IQGAP2: variants seen among roughly 807,000 people sequenced by gnomAD.
IQGAP2 encodes the protein IQ motif containing GTPase activating protein 2, also known as ras GTPase-activating-like protein IQGAP2.
Under a neutral mutation model 201.3 loss-of-function variants are expected in IQGAP2, and 173 were observed. That is an observed-to-expected ratio of 0.86 (90% confidence interval 0.76 to 0.98). IQGAP2 has a LOEUF of 0.98. Among genes scored for constraint, IQGAP2 ranks in the 50% least tolerant of loss-of-function variants. IQGAP2 has a pLI of 0.00. For missense variants in IQGAP2, 1,687 were observed against 1,864.8 expected (o/e 0.90, Z 1.76); for synonymous variants, 675 against 673.9 (o/e 1.00, Z -0.03).
At chr5:76,634,834 G>T (rs944099429) in intron 15 of IQGAP2, among the ~76,000 whole-genome samples, 1 of 152,168 alleles carries the variant, frequency 6.6e-6, no homozygotes, top group Admixed American at 6.5e-5. Flanking sequence ...TGTCTGCAAG[G>T]CATCTAAAAA....
intron 3 of IQGAP2, among the ~76,000 whole-genome samples, chr5:76,567,995 T>C (rs1744870747): frequency 6.6e-6 from 1 of 152,166 alleles, no homozygotes; most frequent in Non-Finnish European, 1.5e-5. Flanking sequence ...CTAATAGTAA[T>C]ATACAGGACT....
At chr5:76,530,752 AG>A in intron 2 of IQGAP2, among the ~76,000 whole-genome samples, 1 of 152,314 alleles carries the variant, frequency 6.6e-6, no homozygotes, top group Non-Finnish European at 1.5e-5. Context: ...CTTCTGGTAA[AG>A]TCCTGTTTCT....
chr5:76,470,834 T>A (rs533806477), intron 2 of IQGAP2, among the ~76,000 whole-genome samples: 1 of 152,316 alleles, frequency 6.6e-6, no homozygotes, highest in East Asian at 1.9e-4. Flanking sequence ...AAAGCTAACT[T>A]TATAGCTTCT....
chr5:76,486,480 C>T (rs1756144883), intron 2 of IQGAP2, among the ~76,000 whole-genome samples: 1 of 152,236 alleles, frequency 6.6e-6, no homozygotes, highest in Non-Finnish European at 1.5e-5. Flanking sequence ...TCATTTTCAT[C>T]CTCAACACAT....
At chr5:76,511,890 C>T (rs1054769341) in intron 2 of IQGAP2, among the ~76,000 whole-genome samples, 2 of 151,894 alleles carry the variant, frequency 1.3e-5, no homozygotes, top group African/African-American at 4.8e-5. Flanking sequence ...CCGTTTTAGC[C>T]AGGATGGTCT....
intron 2 of IQGAP2, among the ~76,000 whole-genome samples, chr5:76,495,321 G>A (rs1379127146): frequency 6.6e-6 from 1 of 152,198 alleles, no homozygotes; most frequent in Non-Finnish European, 1.5e-5. Context: ...AGTGAGCTGT[G>A]TCCAAGGGCA....
intron 1 of IQGAP2, among the ~76,000 whole-genome samples, chr5:76,447,418 C>T (rs1471182178): frequency 2.0e-5 from 3 of 152,196 alleles, no homozygotes; most frequent in Non-Finnish European, 2.9e-5. Context: ...TGGCAACCCC[C>T]TTTGGGTCCC....
At chr5:76,626,571 A>G (rs769734007) in intron 13 of IQGAP2, among the ~76,000 whole-genome samples, 13 of 152,242 alleles carry the variant, frequency 8.5e-5, no homozygotes, top group Non-Finnish European at 1.8e-4. Context: ...ATGCCCAGCT[A>G]TATGTCTTGA....
Position 76,579,690 on chromosome 5 carries a change from T to A in IQGAP2, c.458+3921T>A, listed in dbSNP as rs114156959. 5.0e-3 allele frequency among the ~76,000 whole-genome samples: 758 copies of A among 152,302 alleles called. 8 individuals are homozygous for A. The highest frequency in any genetic ancestry group is 0.017 in the African/African-American group (722 of 41,564). On this transcript the variant is annotated intron_variant, in intron 5 of 35. Transcript: ENST00000274364. Reference sequence around the variant, plus strand: ...TTTTTTTTTAATTAGTTGGGCTTTCTAGAGGTTTTCATCCCCTGGGAGACA... The same window carrying A: ...TTTTTTTTTAATTAGTTGGGCTTTCAAGAGGTTTTCATCCCCTGGGAGACA...
chr5:76,570,428 G>A (rs995115873), intron 3 of IQGAP2, 152 bp from the exon 4 acceptor site: 2 of 627,858 alleles, frequency 3.2e-6, no homozygotes, highest in Non-Finnish European at 5.8e-6. Flanking sequence ...ACATCCTTTA[G>A]CACGCCTCTG....
At chr5:76,695,268 C>T (rs1472761642) in intron 31 of IQGAP2, among the ~76,000 whole-genome samples, 186 bp from the exon 32 acceptor site, 1 of 152,150 alleles carries the variant, frequency 6.6e-6, no homozygotes, top group Non-Finnish European at 1.5e-5. Context: ...GGCTTGCTAT[C>T]GAAAAGATGA....
Position 76,438,431 on chromosome 5 carries a change from T to C in IQGAP2, c.47-23139T>C, listed in dbSNP as rs192348048. On this transcript the variant is annotated intron_variant, in intron 1 of 35. Coordinates refer to ENST00000274364, the MANE Select transcript of IQGAP2 (RefSeq NM_006633.5). ...TGTATTTCTGTGGTGTTGGTTGTTA[T>C]GGGCTTCATTTTCATTTTTTTCTTT... 7.8e-5 allele frequency among the ~76,000 whole-genome samples: 10 copies of C among 128,502 alleles called. No individual in the cohort carries two copies. In the East Asian group the frequency reaches 2.2e-3, roughly 29 times the overall value. The allele number at this position is 128,502 out of a possible 152,430, so 84.3% of individuals were successfully genotyped here.
chr5:76,505,758 C>A (rs10054825), intron 2 of IQGAP2, among the ~76,000 whole-genome samples: 25,290 of 152,012 alleles, frequency 0.17, 2,665 homozygotes, highest in African/African-American at 0.3. Flanking sequence ...CCTCTCTACT[C>A]TTTTGGTTCT....
intron 2 of IQGAP2, among the ~76,000 whole-genome samples, chr5:76,534,753 C>A (rs1759520512): frequency 6.6e-6 from 1 of 152,196 alleles, no homozygotes; most frequent in South Asian, 2.1e-4. Context: ...CCATTATTGT[C>A]CTACGTTTCA....
chr5:76,649,827 G>T (rs892811365), intron 17 of IQGAP2, among the ~76,000 whole-genome samples: 7 of 152,228 alleles, frequency 4.6e-5, no homozygotes, highest in African/African-American at 1.7e-4. Context: ...CCTGCAGCAG[G>T]CTTCTGCCTG....
chr5:76,701,683 A>G (rs2150562712), intron 34 of IQGAP2: 1 of 153,694 alleles, frequency 6.5e-6, no homozygotes, highest in African/African-American at 2.4e-5. Context: ...CCTCCTTTTA[A>G]AGGGGTCATG....
intron 1 of IQGAP2, among the ~76,000 whole-genome samples, chr5:76,450,958 T>TAACA (rs139368245): frequency 0.1 from 15,550 of 152,116 alleles, 926 homozygotes; most frequent in African/African-American, 0.15. Context: ...TCACACTCAC[T>TAACA]AACAGCATAT....
chr5:76,416,806 G>A (rs1268272281), intron 1 of IQGAP2, among the ~76,000 whole-genome samples: 2 of 151,968 alleles, frequency 1.3e-5, no homozygotes, highest in African/African-American at 4.8e-5. Flanking sequence ...GATTACAGGT[G>A]TGAGCCAACA....
intron 2 of IQGAP2, among the ~76,000 whole-genome samples, chr5:76,462,254 C>T (rs549975234): frequency 6.6e-6 from 1 of 152,134 alleles, no homozygotes; most frequent in Non-Finnish European, 1.5e-5. Flanking sequence ...ACTCGCAGCC[C>T]AATGATGATA....
Sources: gnomAD v4.1 joint callset for allele counts (sites outside exome capture counted in the v4.1 genomes callset) on GRCh38, gnomAD v4.1.1 for gene constraint, MANE v1.5 for transcripts, NCBI Gene and HGNC (gene_info 2026-07-23, HGNC 2026-07-21) for gene names.